The following TRPS1 variants were observed in gnomAD, a reference collection of about 807,000 sequenced individuals.
TRPS1 encodes zinc finger transcription factor Trps1.
Under a neutral mutation model 101.2 loss-of-function variants are expected in TRPS1, and 6 were observed. The ratio of observed to expected loss-of-function variants is 0.06; its 90% CI spans 0.03 to 0.12. The LOEUF is 0.12. TRPS1 is among the 10% of genes least tolerant of loss of function. The pLI is 1.00. For missense variants in TRPS1, 1,363 were observed against 1,567.0 expected, an observed-to-expected ratio of 0.87 and a Z score of 2.20; for synonymous variants, 578 against 589.8, an observed-to-expected ratio of 0.98 and a Z score of 0.29.
At chr8:115,563,548 T>C (rs1816997948) in intron 5 of TRPS1, among the ~76,000 whole-genome samples, 1 of 152,068 alleles carries the variant, frequency 6.6e-6, no homozygotes, top group South Asian at 2.1e-4. Context: ...CTCATGCAAA[T>C]GTAAAAAGAG....
At chr8:115,429,938 T>C (rs937852108) in intron 5 of TRPS1, among the ~76,000 whole-genome samples, 4 of 152,040 alleles carry the variant, frequency 2.6e-5, no homozygotes, top group African/African-American at 9.7e-5. Context: ...TGAAGTAATA[T>C]AGATTTTTTA....
chr8:115,493,493 A>G (rs1346488947), intron 5 of TRPS1, among the ~76,000 whole-genome samples: 1 of 151,964 alleles, frequency 6.6e-6, no homozygotes, highest in Non-Finnish European at 1.5e-5. Context: ...AGGATTACAC[A>G]TGTGCGCCAT....
chr8:115,457,337 T>C (rs780538043), intron 5 of TRPS1, among the ~76,000 whole-genome samples: 37 of 152,224 alleles, frequency 2.4e-4, no homozygotes, highest in Non-Finnish European at 4.0e-4. Flanking sequence ...GACATCATTA[T>C]GTTAAGTGAA....
At chr8:115,549,030 T>C (rs1037266800) in intron 5 of TRPS1, among the ~76,000 whole-genome samples, 17 of 152,312 alleles carry the variant, frequency 1.1e-4, no homozygotes, top group African/African-American at 2.9e-4. Flanking sequence ...TAAAAATTGG[T>C]TCAATGGTGC....
chr8:115,419,120 G>A (rs1812992335), intron 5 of TRPS1, among the ~76,000 whole-genome samples: 1 of 152,058 alleles, frequency 6.6e-6, no homozygotes, highest in South Asian at 2.1e-4. Context: ...ACCCTTCAAT[G>A]GCTATTTATT....
intron 1 of TRPS1, among the ~76,000 whole-genome samples, chr8:115,667,383 G>C (rs1372928058): frequency 2.0e-5 from 3 of 152,164 alleles, no homozygotes; most frequent in African/African-American, 7.2e-5. Flanking sequence ...TATAATCCTG[G>C]AGTTATTTGG....
At chr8:115,573,632 T>TA (rs1804036101) in intron 5 of TRPS1, among the ~76,000 whole-genome samples, 1 of 152,190 alleles carries the variant, frequency 6.6e-6, no homozygotes, top group African/African-American at 2.4e-5. Context: ...ATGGTCATAT[T>TA]AACCCTATTA....
At chr8:115,596,977 A>C (rs1203927108) in intron 4 of TRPS1, among the ~76,000 whole-genome samples, 1 of 151,916 alleles carries the variant, frequency 6.6e-6, no homozygotes, top group African/African-American at 2.4e-5. Flanking sequence ...TCATTTATTA[A>C]ATTCACTACT....
intron 5 of TRPS1, among the ~76,000 whole-genome samples, chr8:115,517,038 T>A (rs1227390017): frequency 6.6e-6 from 1 of 151,592 alleles, no homozygotes; most frequent in Admixed American, 6.6e-5. Context: ...ATATATACAT[T>A]GCTAATGCAA....
chr8:115,584,378 T>C (rs1177060346), intron 5 of TRPS1, among the ~76,000 whole-genome samples: 2 of 152,038 alleles, frequency 1.3e-5, no homozygotes, highest in South Asian at 2.1e-4. Flanking sequence ...CTTAAATTGC[T>C]TACAATTTCT....
At chr8:115,452,006 T>A (rs189820687) in intron 5 of TRPS1, among the ~76,000 whole-genome samples, 21 of 152,270 alleles carry the variant, frequency 1.4e-4, no homozygotes, top group Admixed American at 3.9e-4. Flanking sequence ...AGGCCAATAT[T>A]AAAGTTTTGA....
intron 1 of TRPS1, among the ~76,000 whole-genome samples, chr8:115,630,165 C>A (rs569357173): frequency 6.6e-6 from 1 of 151,928 alleles, no homozygotes. Flanking sequence ...AGGATGACCA[C>A]AAGTTCCTTC....
chr8:115,479,690 A>T (rs1181366291), intron 5 of TRPS1, among the ~76,000 whole-genome samples: 2 of 152,206 alleles, frequency 1.3e-5, no homozygotes, highest in Admixed American at 6.5e-5. Flanking sequence ...TATTTAACAG[A>T]CAGCTAGGAC....
chr8:115,563,688 T>C (rs1047664327), intron 5 of TRPS1, among the ~76,000 whole-genome samples: 1 of 152,124 alleles, frequency 6.6e-6, no homozygotes, highest in Non-Finnish European at 1.5e-5. Flanking sequence ...GATCTTTAAC[T>C]TGTATTCACA....
At chr8:115,665,763 C>A (rs1811907241) in intron 1 of TRPS1, among the ~76,000 whole-genome samples, 1 of 152,070 alleles carries the variant, frequency 6.6e-6, no homozygotes, top group African/African-American at 2.4e-5. Flanking sequence ...CTTTAAGAGA[C>A]AAAGGACAAA....
intron 5 of TRPS1, among the ~76,000 whole-genome samples, chr8:115,554,555 G>A (rs765968951): frequency 1.6e-4 from 25 of 152,138 alleles, no homozygotes; most frequent in Non-Finnish European, 3.1e-4. Flanking sequence ...TTAAAACTGA[G>A]ATGCCTCCAT....
At chr8:115,501,666 T>C (rs574172147) in intron 5 of TRPS1, among the ~76,000 whole-genome samples, 2 of 152,214 alleles carry the variant, frequency 1.3e-5, no homozygotes, top group Non-Finnish European at 2.9e-5. Flanking sequence ...CAGTTACTTC[T>C]TATTTCTCTA....
chr8:115,428,711 T>C (rs113121218), intron 5 of TRPS1, among the ~76,000 whole-genome samples: 424 of 152,240 alleles, frequency 2.8e-3, no homozygotes, highest in Non-Finnish European at 4.9e-3. Context: ...TGTCTGACTT[T>C]TAGAAACACG....
At chr8:115,595,789 T>C (rs1364227808) in intron 4 of TRPS1, among the ~76,000 whole-genome samples, 1 of 151,938 alleles carries the variant, frequency 6.6e-6, no homozygotes, top group African/African-American at 2.4e-5. Context: ...TCTTGCATAG[T>C]ATTCAGAAGC....
Sources: gnomAD v4.1 joint callset for allele counts (sites outside exome capture counted in the v4.1 genomes callset) on GRCh38, gnomAD v4.1.1 for gene constraint, MANE v1.5 for transcripts, NCBI Gene and HGNC (gene_info 2026-07-23, HGNC 2026-07-21) for gene names.